Variants in GPHN observed in about 807,000 individuals in gnomAD.
GPHN encodes the protein gephyrin.
Under a neutral mutation model 95.5 loss-of-function variants are expected in GPHN, and 17 were observed. That is an observed-to-expected ratio of 0.18 (90% CI 0.12 to 0.27). GPHN has a LOEUF of 0.27. Ranked by LOEUF, GPHN falls within the 10% of genes least tolerant of loss-of-function variation. GPHN has a pLI of 1.00. For synonymous variants in GPHN, 320 were observed against 322.5 expected (o/e 0.99, Z 0.08); for missense variants, 660 against 978.1 (o/e 0.67, Z 4.34).
intron 1 of GPHN, among the ~76,000 whole-genome samples, chr14:66,566,728 G>A (rs1006304002): frequency 2.0e-5 from 3 of 152,132 alleles, no homozygotes; most frequent in Non-Finnish European, 4.4e-5. Context: ...TGGCTTAAGA[G>A]TGTTTATTTA....
the GPHN span, among the ~76,000 whole-genome samples, chr14:67,610,418 T>G: frequency 2.0e-5 from 3 of 152,160 alleles, no homozygotes; most frequent in Admixed American, 6.5e-5. Flanking sequence ...TCATATGACA[T>G]GGTTACAATT....
the GPHN span, among the ~76,000 whole-genome samples, chr14:67,410,910 C>T: frequency 2.6e-5 from 4 of 152,042 alleles, no homozygotes; most frequent in African/African-American, 9.7e-5. Context: ...CCTTGGGAGG[C>T]TAAGGTGGGC....
the GPHN span, among the ~76,000 whole-genome samples, chr14:67,466,255 C>T: frequency 2.6e-5 from 4 of 152,234 alleles, no homozygotes; most frequent in Non-Finnish European, 5.9e-5. Flanking sequence ...ATATCATCTG[C>T]GGATCTCCTT....
chr14:67,120,499 C>G (rs1035996121), intron 16 of GPHN, among the ~76,000 whole-genome samples: 4 of 152,116 alleles, frequency 2.6e-5, no homozygotes, highest in African/African-American at 9.7e-5. Flanking sequence ...CTCCAGTGAT[C>G]TCTAATTTTC....
chr14:67,648,358 G>A, the GPHN span: 1 of 610,876 alleles, frequency 1.6e-6, no homozygotes, highest in Non-Finnish European at 2.6e-6. Context: ...GTCCTTTAGA[G>A]TCATGCTTGG....
intron 1 of GPHN, among the ~76,000 whole-genome samples, chr14:66,539,572 G>A (rs2059278136): frequency 6.7e-6 from 1 of 149,844 alleles, no homozygotes; most frequent in South Asian, 2.1e-4. Context: ...GTGCCACTAT[G>A]GCTGGCTAAT....
chr14:67,456,429 C>T, the GPHN span, among the ~76,000 whole-genome samples: 37,856 of 151,710 alleles, frequency 0.25, 5,074 homozygotes, highest in African/African-American at 0.34. Context: ...GGTGAAACCC[C>T]GTCTCTACTA....
chr14:66,569,815 A>G (rs1655298064), intron 1 of GPHN, among the ~76,000 whole-genome samples: 1 of 152,154 alleles, frequency 6.6e-6, no homozygotes, highest in Non-Finnish European at 1.5e-5. Context: ...AAACAGTTAA[A>G]TCTGTTAGCA....
chr14:67,113,779 A>G (rs988905580), intron 16 of GPHN, among the ~76,000 whole-genome samples: 1 of 152,194 alleles, frequency 6.6e-6, no homozygotes, highest in Non-Finnish European at 1.5e-5. Flanking sequence ...TCTCTTTCTG[A>G]GAACTCTTGA....
At chr14:67,539,986 T>C in the GPHN span, among the ~76,000 whole-genome samples, 2 of 152,204 alleles carry the variant, frequency 1.3e-5, no homozygotes, top group African/African-American at 4.8e-5. Context: ...GATTGGTGAT[T>C]AGCCCATCAA....
At chr14:67,269,764 G>T in the GPHN span, 1 of 152,598 alleles carries the variant, frequency 6.6e-6, no homozygotes, top group Non-Finnish European at 1.5e-5. Context: ...AGTAGAAAAG[G>T]CTTTTCCAGT....
the GPHN span, chr14:67,312,474 T>C: frequency 2.2e-5 from 29 of 1,299,544 alleles, 1 homozygote; most frequent in Admixed American, 7.4e-4. Flanking sequence ...TGTATTCATA[T>C]GAAACATTTT....
At chr14:66,690,980 A>T (rs1167706074) in intron 2 of GPHN, among the ~76,000 whole-genome samples, 1 of 151,982 alleles carries the variant, frequency 6.6e-6, no homozygotes, top group African/African-American at 2.4e-5. Context: ...CTATATGCTG[A>T]CTCACTTACG....
chr14:67,225,545 G>A, the GPHN span, among the ~76,000 whole-genome samples: 2 of 152,148 alleles, frequency 1.3e-5, no homozygotes, highest in Non-Finnish European at 2.9e-5. Flanking sequence ...TCTCATTTCT[G>A]TACTTCTTTG....
At chr14:67,532,829 CAGG>C in the GPHN span, among the ~76,000 whole-genome samples, 1 of 152,236 alleles carries the variant, frequency 6.6e-6, no homozygotes, top group Non-Finnish European at 1.5e-5. Context: ...CACAGGTGGC[CAGG>C]AGAATGCTGG....
the GPHN span, among the ~76,000 whole-genome samples, chr14:67,188,672 G>C: frequency 1.3e-5 from 2 of 152,110 alleles, no homozygotes; most frequent in Non-Finnish European, 2.9e-5. Flanking sequence ...GGAACCACTC[G>C]GACAAGTGCA....
rs371849325 is a variant in GPHN at position 67,143,347 on chromosome 14, T to C, written c.1749-15T>C. On this transcript the variant is annotated splice_polypyrimidine_tract_variant and intron_variant, in intron 17 of 22. Transcript: ENST00000478722. The stretch of plus-strand genomic sequence containing the variant: ...TTCCTTGTGTGTTAATTTCTTTGTC[T>C]TTATTTTTTTCCAGCCCAGATGACT... The C allele has an allele frequency of 1.3e-6, 2 of 1,564,916 alleles. No homozygotes were observed. Among genetic ancestry groups the C allele is most frequent in the Non-Finnish European group, 8.8e-7 (1 of 1,135,184 alleles).
intron 1 of GPHN, among the ~76,000 whole-genome samples, chr14:66,554,093 C>A (rs2140206982): frequency 6.6e-6 from 1 of 152,132 alleles, no homozygotes; most frequent in East Asian, 1.9e-4. Context: ...TATTTGGCTG[C>A]TTATCTGAAA....
chr14:67,212,597 AAAT>A, the GPHN span, among the ~76,000 whole-genome samples: 307 of 122,502 alleles, frequency 2.5e-3, 3 homozygotes, highest in African/African-American at 7.4e-3. Flanking sequence ...TTGAAAAAAA[AAAT>A]ATATATATAT....
Sources: allele counts gnomAD v4.1 joint callset (sites outside exome capture counted in the v4.1 genomes callset), GRCh38; gene constraint gnomAD v4.1.1; transcripts MANE v1.5; gene names NCBI Gene and HGNC (gene_info 2026-07-23, HGNC 2026-07-21).